STAG1: variants seen among roughly 807,000 people sequenced by gnomAD.
The protein encoded by STAG1 is cohesin subunit SA-1.
In STAG1, 26 loss-of-function variants were observed where a neutral mutation model predicts 170.9. The observed-to-expected ratio is 0.15, with a 90% CI of 0.11 to 0.21. The LOEUF (loss-of-function observed/expected upper bound fraction) is 0.21. Ranked by LOEUF, STAG1 falls within the 10% of genes least tolerant of loss-of-function variation. STAG1 has a pLI of 1.00. For missense variants in STAG1, 964 were observed against 1,509.5 expected, an observed-to-expected ratio of 0.64 and a Z score of 5.99; for synonymous variants, 514 against 497.7, an observed-to-expected ratio of 1.03 and a Z score of -0.44.
chr3:136,494,599 C>A (rs1462413980), intron 9 of STAG1, among the ~76,000 whole-genome samples: 1 of 152,124 alleles, frequency 6.6e-6, no homozygotes, highest in Non-Finnish European at 1.5e-5. Flanking sequence ...TGTGGAATTT[C>A]TCCCAGAATG....
intron 17 of STAG1, 23 bp from the exon 18 acceptor site, chr3:136,422,880 A>C (rs2088000180): frequency 1.3e-6 from 2 of 1,595,348 alleles, no homozygotes; most frequent in African/African-American, 1.3e-5. Flanking sequence ...GCAAAGAAAA[A>C]GACAGTAACT....
At chr3:136,529,041 C>T (rs1326898972) in intron 6 of STAG1, among the ~76,000 whole-genome samples, 2 of 151,942 alleles carry the variant, frequency 1.3e-5, no homozygotes, top group Non-Finnish European at 2.9e-5. Flanking sequence ...CATTTGCAAG[C>T]TTCAACAAAA....
At chr3:136,709,966 C>G (rs1477740269) in intron 1 of STAG1, among the ~76,000 whole-genome samples, 1 of 151,662 alleles carries the variant, frequency 6.6e-6, no homozygotes, top group Non-Finnish European at 1.5e-5. Context: ...ACCCAGGAGG[C>G]AGAGGTTTCA....
chr3:136,669,458 A>G (rs983718593), intron 1 of STAG1, among the ~76,000 whole-genome samples: 38 of 152,150 alleles, frequency 2.5e-4, no homozygotes, highest in African/African-American at 8.9e-4. Flanking sequence ...GGCTCAAGCA[A>G]TCCCCCCAGC....
chr3:136,608,998 T>C (rs749358888), intron 3 of STAG1: 6 of 152,222 alleles, frequency 3.9e-5, no homozygotes, highest in Non-Finnish European at 8.8e-5. Flanking sequence ...ACTGAGGCTC[T>C]CTGTGCACCA....
chr3:136,389,671 C>T (rs572785634), intron 22 of STAG1, among the ~76,000 whole-genome samples: 1 of 152,086 alleles, frequency 6.6e-6, no homozygotes, highest in East Asian at 1.9e-4. Context: ...AGGCGTGTGC[C>T]ACCACATCTG....
chr3:136,612,928 A>G (rs1476794181), intron 3 of STAG1, among the ~76,000 whole-genome samples: 1 of 152,194 alleles, frequency 6.6e-6, no homozygotes, highest in Non-Finnish European at 1.5e-5. Flanking sequence ...ACTTTGAGTA[A>G]GACTATGTTT....
At chr3:136,688,732 C>T (rs1303399613) in intron 1 of STAG1, among the ~76,000 whole-genome samples, 3 of 152,070 alleles carry the variant, frequency 2.0e-5, no homozygotes, top group Admixed American at 6.6e-5. Context: ...AATGTCCTTA[C>T]GATACTGGAG....
chr3:136,736,903 T>A, intron 1 of STAG1: 1 of 1,588,318 alleles, frequency 6.3e-7, no homozygotes. Flanking sequence ...GGTCCTCTTC[T>A]TTTGCTCCTG....
At chr3:136,488,710 T>C (rs1403245047) in intron 9 of STAG1, among the ~76,000 whole-genome samples, 1 of 152,196 alleles carries the variant, frequency 6.6e-6, no homozygotes, top group Non-Finnish European at 1.5e-5. Context: ...ATTATTATTA[T>C]ATATTTGCTT....
intron 13 of STAG1, among the ~76,000 whole-genome samples, chr3:136,458,897 A>T (rs1559814046): frequency 6.6e-6 from 1 of 152,226 alleles, no homozygotes; most frequent in Non-Finnish European, 1.5e-5. Flanking sequence ...TATCAAATAA[A>T]ATAGACTTTA....
Position 136,415,370 on chromosome 3 carries a change from A to G in STAG1, c.2196+2515T>C, listed in dbSNP as rs2087742436. Among the ~76,000 whole-genome samples, 4 of 152,280 alleles carry G rather than the reference A, an allele frequency of 2.6e-5. No individual in the cohort carries two copies. The South Asian group carries it at 8.3e-4, about 32-fold the overall frequency. Reference sequence around the variant, plus strand: ...AACATATAGCTAATATAATCTCCCCAAACAGCTAGACAGTTTTAAGGTATC... The same window carrying G: ...AACATATAGCTAATATAATCTCCCCGAACAGCTAGACAGTTTTAAGGTATC... On this transcript the variant is annotated intron_variant, in intron 21 of 33. Coordinates refer to ENST00000383202, the MANE Select transcript of STAG1 (RefSeq NM_005862.3).
intron 13 of STAG1, among the ~76,000 whole-genome samples, chr3:136,464,484 T>A (rs1389373006): frequency 6.6e-6 from 1 of 151,750 alleles, no homozygotes; most frequent in African/African-American, 2.4e-5. Flanking sequence ...AAATGAAAAT[T>A]TGGAAGGCAT....
At chr3:136,654,869 A>C (rs1487039094) in intron 1 of STAG1, among the ~76,000 whole-genome samples, 2 of 152,172 alleles carry the variant, frequency 1.3e-5, no homozygotes, top group Non-Finnish European at 2.9e-5. Context: ...CATGATCTAC[A>C]AGAAAGTTGC....
intron 3 of STAG1, among the ~76,000 whole-genome samples, chr3:136,622,900 T>C (rs1939930371): frequency 6.6e-6 from 1 of 152,172 alleles, no homozygotes; most frequent in South Asian, 2.1e-4. Flanking sequence ...TTAGTGACCT[T>C]CTCTATGCCT....
rs1051954858 is a variant in STAG1, at chr3:136,636,491, C to T, written c.-83-5510G>A. Among the ~76,000 whole-genome samples the T allele has an allele frequency of 2.0e-5, 3 of 152,124 alleles. No individual in the cohort carries two copies. The East Asian group carries it at 5.8e-4, about 29-fold the overall frequency. ...TTAACTATTTTACTCATGTTTATAT[C>T]AAATCAAGTATATTAACAGAAAACT... On this transcript the variant is annotated intron_variant, in intron 1 of 33. Transcript: ENST00000383202.
intron 4 of STAG1, among the ~76,000 whole-genome samples, chr3:136,594,152 A>G (rs1938313151): frequency 6.6e-6 from 1 of 152,186 alleles, no homozygotes; most frequent in Non-Finnish European, 1.5e-5. Flanking sequence ...GTCAGTTCTA[A>G]CACTTACAAG....
chr3:136,352,063 C>G (rs1936452832), intron 28 of STAG1, among the ~76,000 whole-genome samples: 1 of 151,830 alleles, frequency 6.6e-6, no homozygotes, highest in African/African-American at 2.4e-5. Flanking sequence ...AATAAATGAC[C>G]AACGAGAAAA....
intron 5 of STAG1, among the ~76,000 whole-genome samples, chr3:136,550,780 T>C (rs934099457): frequency 6.6e-6 from 1 of 152,208 alleles, no homozygotes; most frequent in Non-Finnish European, 1.5e-5. Flanking sequence ...TTTCTAATTT[T>C]CACACTTTAC....
Sources: allele counts gnomAD v4.1 joint callset (sites outside exome capture counted in the v4.1 genomes callset), GRCh38; gene constraint gnomAD v4.1.1; transcripts MANE v1.5; gene names NCBI Gene and HGNC (gene_info 2026-07-23, HGNC 2026-07-21).